Variants in XKR6 observed in about 807,000 individuals in gnomAD.
The protein encoded by XKR6 is XK related 6, also known as XK-related protein 6.
A neutral mutation model predicts 56.7 loss-of-function variants in XKR6; 22 were observed. The ratio of observed to expected loss-of-function variants is 0.39; its 90% CI spans 0.28 to 0.55. The LOEUF (loss-of-function observed/expected upper bound fraction) is 0.55, where lower values mean the gene tolerates loss of function less well. Among genes scored for constraint, XKR6 ranks in the 20% least tolerant of loss-of-function variants. XKR6 has a pLI of 0.66. For missense variants in XKR6, 852 were observed against 889.0 expected, an observed-to-expected ratio of 0.96 and a Z score of 0.53; for synonymous variants, 524 against 387.8, an observed-to-expected ratio of 1.35 and a Z score of -4.13.
intron 1 of XKR6, among the ~76,000 whole-genome samples, chr8:10,926,114 T>C (rs1800873027): frequency 6.6e-6 from 1 of 152,112 alleles, no homozygotes; most frequent in African/African-American, 2.4e-5. Context: ...CTCCTAAAGA[T>C]TCAGTGCATG....
chr8:10,912,502 G>T (rs1401820511), intron 2 of XKR6, among the ~76,000 whole-genome samples: 1 of 145,102 alleles, frequency 6.9e-6, no homozygotes, highest in African/African-American at 2.5e-5. Context: ...GGGTGTGTAT[G>T]TGTGTGTATA....
chr8:10,902,829 G>T (rs1283967968), intron 2 of XKR6, among the ~76,000 whole-genome samples: 1 of 152,202 alleles, frequency 6.6e-6, no homozygotes, highest in Non-Finnish European at 1.5e-5. Flanking sequence ...CAACAGGGGC[G>T]AGAATGATCC....
intron 1 of XKR6, among the ~76,000 whole-genome samples, chr8:11,196,698 G>C (rs1457923394): frequency 6.6e-6 from 1 of 152,234 alleles, no homozygotes; most frequent in African/African-American, 2.4e-5. Flanking sequence ...GGGTTCCCAC[G>C]TGATCACTTG....
At chr8:11,025,453 G>A (rs1452476154) in intron 1 of XKR6, among the ~76,000 whole-genome samples, 2 of 152,188 alleles carry the variant, frequency 1.3e-5, no homozygotes, top group Non-Finnish European at 2.9e-5. Flanking sequence ...TTGGGGTGCA[G>A]GGAGGGGTTG....
At chr8:10,909,503 C>G (rs368522420) in intron 2 of XKR6, among the ~76,000 whole-genome samples, 10 of 152,162 alleles carry the variant, frequency 6.6e-5, no homozygotes, top group African/African-American at 2.4e-4. Flanking sequence ...TGCTAGCTCC[C>G]TAAGGGCAGA....
intron 1 of XKR6, chr8:11,137,550 A>G (rs3021496): frequency 0.1 from 45,920 of 456,120 alleles, 3,511 homozygotes; most frequent in African/African-American, 0.3. Flanking sequence ...CCATCACCCC[A>G]GTGTTCTGGA....
chr8:10,924,774 C>T lies in XKR6; in HGVS notation c.821G>A (p.Arg274Gln), dbSNP rs1800827845. 2.5e-6 allele frequency: 4 copies of T among 1,613,942 alleles called. No homozygotes were observed. Among genetic ancestry groups the T allele is most frequent in the African/African-American group, 1.3e-5 (1 of 74,912 alleles). Reference protein sequence around the residue: ...IQSQRRKEHQRRFYWAMMYEY... With the variant: ...IQSQRRKEHQQRFYWAMMYEY... ...ATACATCATAGCCCAGTAGAAGCGT[C>T]GCTGGTGTTCCTTCCGCCGCTGGCT... The change falls in exon 2 of 3, where the codon CGA becomes CAA. Residue 274 changes from arginine to glutamine, a missense_variant. Transcript: ENST00000416569.
At chr8:11,098,469 G>A (rs1221588523) in intron 1 of XKR6, among the ~76,000 whole-genome samples, 1 of 152,104 alleles carries the variant, frequency 6.6e-6, no homozygotes, top group Non-Finnish European at 1.5e-5. Context: ...CTCACTCACG[G>A]AATACGAGGT....
Position 10,898,798 on chromosome 8 carries a change from C to G in XKR6, c.1080G>C (p.Gln360His). The change falls in exon 3 of 3, where the codon CAG (glutamine) becomes CAC (histidine). Residue 360 changes from glutamine to histidine, a missense_variant. Transcript: ENST00000416569. This position sits in a 1 kb window ranked among gnomAD's most constrained non-coding sequence, Gnocchi z 6.6. ...KSMSYRGAII[Q>H]VFWRLFTISS... ...AGATGGTGAAGAGGCGCCAGAAGAC[C>G]TGGATGATGGCCCCTCTGTAGCTCA... 2 of 1,614,166 alleles carry G rather than the reference C, an allele frequency of 1.2e-6. No homozygotes were observed. The highest frequency in any genetic ancestry group is 1.7e-6 in the Non-Finnish European group (2 of 1,180,040).
chr8:11,013,013 C>T (rs1490660562), intron 1 of XKR6, among the ~76,000 whole-genome samples: 1 of 152,146 alleles, frequency 6.6e-6, no homozygotes, highest in Non-Finnish European at 1.5e-5. Context: ...CATGCCTTAT[C>T]CTTCGGCTTG....
At chr8:11,040,836 C>T (rs1462930507) in intron 1 of XKR6, among the ~76,000 whole-genome samples, 4 of 152,156 alleles carry the variant, frequency 2.6e-5, no homozygotes, top group South Asian at 4.1e-4. Context: ...TAGCTAATGG[C>T]CTCCTGTAAA....
intron 1 of XKR6, among the ~76,000 whole-genome samples, chr8:11,095,829 G>A (rs543554302): frequency 6.6e-6 from 1 of 152,160 alleles, no homozygotes; most frequent in Non-Finnish European, 1.5e-5. Flanking sequence ...GTTAAGACTA[G>A]ACCACATTTA....
intron 1 of XKR6, among the ~76,000 whole-genome samples, chr8:11,060,492 G>T (rs1799803292): frequency 1.3e-5 from 2 of 152,238 alleles, no homozygotes; most frequent in African/African-American, 4.8e-5. Context: ...GGGGACAGTT[G>T]TGGGAGACCC....
intron 1 of XKR6, chr8:11,123,339 G>C (rs1298738546): frequency 2.0e-5 from 3 of 153,180 alleles, no homozygotes; most frequent in Non-Finnish European, 4.3e-5. Flanking sequence ...ATCTGGTTAT[G>C]GACCTTGTCA....
intron 2 of XKR6, among the ~76,000 whole-genome samples, chr8:10,910,801 GCC>G (rs1222615790): frequency 6.6e-6 from 1 of 152,196 alleles, no homozygotes; most frequent in Non-Finnish European, 1.5e-5. Flanking sequence ...CAGCTTCACA[GCC>G]AGCTGCATAA....
At chr8:11,109,815 T>A (rs1798819341) in intron 1 of XKR6, 1 of 152,136 alleles carries the variant, frequency 6.6e-6, no homozygotes, top group Non-Finnish European at 1.5e-5. Flanking sequence ...ATATTGTGGC[T>A]AGAACTGGCT....
intron 1 of XKR6, among the ~76,000 whole-genome samples, chr8:11,179,621 G>A (rs563903248): frequency 1.3e-5 from 2 of 152,150 alleles, no homozygotes; most frequent in East Asian, 3.9e-4. Flanking sequence ...TTTCATCAGG[G>A]GACTCCTCCA....
chr8:10,944,236 T>C (rs1221661619), intron 1 of XKR6, among the ~76,000 whole-genome samples: 2 of 152,176 alleles, frequency 1.3e-5, no homozygotes, highest in African/African-American at 2.4e-5. Flanking sequence ...TTCAAATACA[T>C]GAACTAGATG....
chr8:10,972,285 C>T lies in XKR6; in HGVS notation c.765-47455G>A, dbSNP rs182550910. Among the ~76,000 whole-genome samples, 164 of 152,292 alleles carry T rather than the reference C, an allele frequency of 1.1e-3. 2 individuals carry two copies. The highest frequency in any genetic ancestry group is 3.8e-3 in the African/African-American group (158 of 41,554). On this transcript the variant is annotated intron_variant, in intron 1 of 2. Coordinates refer to ENST00000416569, the MANE Select transcript of XKR6 (RefSeq NM_173683.4). ...TGAAATTCGGGGTTTGATGTCAGAC[C>T]AGTGTTTCAGTGTCTGCTTTGCCAA...
Sources: gnomAD v4.1 joint callset for allele counts (sites outside exome capture counted in the v4.1 genomes callset) on GRCh38, gnomAD v4.1.1 for gene constraint, Gnocchi (gnomAD v3.1) non-coding constraint, MANE v1.5 for transcripts, NCBI Gene and HGNC (gene_info 2026-07-23, HGNC 2026-07-21) for gene names.